Variants in DGLUCY observed in about 807,000 individuals in gnomAD.
The protein encoded by DGLUCY is D-glutamate cyclase.
In DGLUCY, 58 loss-of-function variants were observed where a neutral mutation model predicts 58.5. That is an observed-to-expected ratio of 0.99 (90% CI 0.80 to 1.23). The LOEUF is 1.23. DGLUCY is among the 50% of genes most tolerant of loss of function. DGLUCY has a pLI of 0.00. For synonymous variants in DGLUCY, 325 were observed against 314.1 expected (o/e 1.03, Z -0.37); for missense variants, 779 against 784.7 (o/e 0.99, Z 0.09).
chr14:91,215,461 T>A lies in DGLUCY; in HGVS notation c.1621T>A (p.Cys541Ser). ...CTGCGCACTCTACATCCTGTACTCA[T>A]GTGCTGTCCACAGTCAGTACCTGAG... is the stretch of plus-strand genomic sequence containing the variant. ...LACALYILYS[C>S]AVHSQYLRKA... Residue 541 changes from cysteine (C) to serine (S), a missense_variant, in exon 13 of 14, where the codon TGT becomes AGT. Cys to Ser is a moderately radical substitution (Grantham distance 112). Coordinates refer to ENST00000256324, the MANE Select transcript of DGLUCY (RefSeq NM_001102368.3). 1 of 1,614,236 alleles carries A rather than the reference T, an allele frequency of 6.2e-7. No individual in the cohort carries two copies. The highest frequency in any genetic ancestry group is 8.5e-7 in the Non-Finnish European group (1 of 1,180,040).
intron 1 of DGLUCY, among the ~76,000 whole-genome samples, chr14:91,102,494 CG>C (rs1441701614): frequency 6.6e-6 from 1 of 152,066 alleles, no homozygotes; most frequent in African/African-American, 2.4e-5. Flanking sequence ...CCTCCGGCCC[CG>C]GGACTGTCGA....
At chr14:91,068,959 T>C (rs983928844) in intron 1 of DGLUCY, among the ~76,000 whole-genome samples, 3 of 152,256 alleles carry the variant, frequency 2.0e-5, no homozygotes, top group East Asian at 1.9e-4. Context: ...GATCCTTGGA[T>C]TGGAGGGGTG....
chr14:91,223,804 T>C (rs1238404394), intron 13 of DGLUCY: 1 of 896,334 alleles, frequency 1.1e-6, no homozygotes, highest in Non-Finnish European at 1.5e-6. Context: ...TTGTACGTAA[T>C]CCTCAGAACA....
At chr14:91,212,654 A>T (rs564726074) in intron 12 of DGLUCY, among the ~76,000 whole-genome samples, 125 of 152,002 alleles carry the variant, frequency 8.2e-4, no homozygotes, top group African/African-American at 2.8e-3. Flanking sequence ...GTGAGCTATG[A>T]TTGCGCCACT....
intron 4 of DGLUCY, chr14:91,167,773 C>T (rs2048365806): frequency 1.5e-6 from 1 of 648,120 alleles, no homozygotes; most frequent in African/African-American, 1.8e-5. Flanking sequence ...TAAACTAGAA[C>T]CTATCTAGTA....
At chr14:91,160,172 G>A (rs546718363) in intron 2 of DGLUCY, 94 bp from the exon 3 acceptor site, 255 of 800,686 alleles carry the variant, frequency 3.2e-4, no homozygotes, top group South Asian at 2.6e-3. Flanking sequence ...GAAAGGGTAG[G>A]ATGTGATGTG....
chr14:91,223,765 T>C, intron 13 of DGLUCY: 1 of 1,227,966 alleles, frequency 8.1e-7, no homozygotes, highest in African/African-American at 1.6e-5. Flanking sequence ...ATGCCTGTTG[T>C]GTGCCAAGGA....
intron 6 of DGLUCY, among the ~76,000 whole-genome samples, chr14:91,175,246 C>T (rs896769171): frequency 6.6e-6 from 1 of 152,044 alleles, no homozygotes; most frequent in Non-Finnish European, 1.5e-5. Context: ...AGTGAGTGAA[C>T]AGATCCAAGA....
intron 5 of DGLUCY, among the ~76,000 whole-genome samples, chr14:91,171,810 G>T (rs1025997802): frequency 6.6e-6 from 1 of 152,190 alleles, no homozygotes; most frequent in African/African-American, 2.4e-5. Context: ...ATCTGTTAAG[G>T]CAGGAGGCAC....
upstream of DGLUCY, among the ~76,000 whole-genome samples, chr14:91,103,177 G>A (rs1010610272): frequency 1.3e-5 from 2 of 152,086 alleles, no homozygotes; most frequent in African/African-American, 4.8e-5. Context: ...TAGGCTGCCT[G>A]GGGAGCTGCT....
At position 91,078,876 on chromosome 14, in the gene DGLUCY, T is replaced by TTTTTTTTATTTATTTA. The variant is rs1555388800; in HGVS notation, c.-82+18175_-82+18176insTTTTATTTATTTATTT. On this transcript the variant is annotated intron_variant, in intron 1 of 4. Transcript: ENST00000521334. The stretch of plus-strand genomic sequence containing the variant: ...TTGTGTCTGTTTATTTATTTTTAAT[T>TTTTTTTTATTTATTTA]TTTATTTATTTATTTATTTATTTAT... Among the ~76,000 whole-genome samples the TTTTTTTTATTTATTTA allele has an allele frequency of 7.3e-5, 10 of 136,774 alleles. No homozygotes were observed. The South Asian group carries it at 2.1e-3, about 29-fold the overall frequency. 89.7% of individuals were successfully genotyped at this position (136,774 alleles called of 152,430 possible).
chr14:91,128,047 G>C (rs1360648061), intron 1 of DGLUCY, among the ~76,000 whole-genome samples: 2 of 151,794 alleles, frequency 1.3e-5, no homozygotes, highest in Non-Finnish European at 2.9e-5. Flanking sequence ...CTCACCCCGA[G>C]TCAGGAAGGG....
chr14:91,113,000 A>G (rs931582165), upstream of DGLUCY, among the ~76,000 whole-genome samples: 1 of 106,644 alleles, frequency 9.4e-6, no homozygotes, highest in African/African-American at 4.1e-5. Flanking sequence ...TACATCTAAA[A>G]AAAAAAAAAA....
At chr14:91,117,163 C>T (rs1390675715) in intron 1 of DGLUCY, among the ~76,000 whole-genome samples, 1 of 152,154 alleles carries the variant, frequency 6.6e-6, no homozygotes, top group African/African-American at 2.4e-5. Context: ...TGTAAACTGT[C>T]ATGGTGCTGG....
intron 1 of DGLUCY, among the ~76,000 whole-genome samples, chr14:91,123,664 G>A (rs1224862092): frequency 6.6e-6 from 1 of 152,074 alleles, no homozygotes; most frequent in Non-Finnish European, 1.5e-5. Flanking sequence ...ATGGCTCACT[G>A]CAACCTCAAC....
chr14:91,217,637 A>G (rs1208309563), intron 13 of DGLUCY, among the ~76,000 whole-genome samples: 1 of 150,716 alleles, frequency 6.6e-6, no homozygotes, highest in Non-Finnish European at 1.5e-5. Flanking sequence ...GGTGCCTGCC[A>G]CCATGCCCAG....
intron 8 of DGLUCY, among the ~76,000 whole-genome samples, 194 bp from the exon 9 acceptor site, chr14:91,188,716 T>C (rs893547502): frequency 1.3e-5 from 2 of 151,980 alleles, no homozygotes; most frequent in African/African-American, 4.8e-5. Flanking sequence ...TGTAGCCCAG[T>C]TGTTCAGGAG....
intron 10 of DGLUCY, among the ~76,000 whole-genome samples, chr14:91,197,373 G>A (rs917016196): frequency 2.0e-5 from 3 of 152,172 alleles, no homozygotes; most frequent in African/African-American, 7.2e-5. Flanking sequence ...CCAAAGTGCT[G>A]GGATTACAGG....
At chr14:91,134,132 A>G (rs1417731084) in intron 1 of DGLUCY, among the ~76,000 whole-genome samples, 2 of 151,988 alleles carry the variant, frequency 1.3e-5, no homozygotes, top group African/African-American at 4.8e-5. Context: ...GCGATTTGTT[A>G]TTTTTTGGCC....
Sources: allele counts gnomAD v4.1 joint callset (sites outside exome capture counted in the v4.1 genomes callset), GRCh38; gene constraint gnomAD v4.1.1; transcripts MANE v1.5; gene names NCBI Gene and HGNC (gene_info 2026-07-23, HGNC 2026-07-21).